The following RAD51B variants were observed in gnomAD, a reference collection of about 807,000 sequenced individuals.
RAD51B encodes DNA repair protein RAD51 homolog 2.
RAD51B carries 38 observed loss-of-function variants against 42.2 expected under a neutral mutation model. The ratio of observed to expected loss-of-function variants is 0.90; its 90% CI spans 0.70 to 1.18. RAD51B has a LOEUF of 1.18. RAD51B is among the 50% of genes most tolerant of loss of function. The probability of loss-of-function intolerance (pLI) is 0.00; values close to 1 mark genes in which losing one functional copy is unlikely to be tolerated. For synonymous variants in RAD51B, 154 were observed against 145.2 expected (o/e 1.06, Z -0.43); for missense variants, 373 against 400.7 (o/e 0.93, Z 0.59).
At chr14:67,822,748 TA>T (rs1234023447) in intron 1 of RAD51B, among the ~76,000 whole-genome samples, 1 of 151,906 alleles carries the variant, frequency 6.6e-6, no homozygotes, top group Admixed American at 6.6e-5. Context: ...TCTATATATA[TA>T]TTTAAAAAGA....
chr14:68,595,160 T>C, exon 11 of RAD51B: 1 of 1,066,296 alleles, frequency 9.4e-7, no homozygotes, highest in South Asian at 4.5e-5. Context: ...TTCTCTTCCC[T>C]CCCAATTATC....
intron 10 of RAD51B, among the ~76,000 whole-genome samples, chr14:68,550,151 T>C (rs1888460168): frequency 6.6e-6 from 1 of 152,254 alleles, no homozygotes; most frequent in African/African-American, 2.4e-5. Context: ...CCGTGCTCCC[T>C]CCTGGCCCAT....
At chr14:68,338,413 A>T (rs115109155) in intron 8 of RAD51B, among the ~76,000 whole-genome samples, 1 of 152,128 alleles carries the variant, frequency 6.6e-6, no homozygotes, top group East Asian at 1.9e-4. Context: ...ATGGCCAAAC[A>T]TGGTGCATCC....
chr14:68,263,410 G>T (rs535510283), intron 7 of RAD51B, among the ~76,000 whole-genome samples: 42 of 152,300 alleles, frequency 2.8e-4, no homozygotes, highest in African/African-American at 9.9e-4. Flanking sequence ...GATGAGGCAG[G>T]TGAGTGCTCC....
chr14:68,233,585 G>T (rs1021054792), intron 7 of RAD51B, among the ~76,000 whole-genome samples: 24 of 152,194 alleles, frequency 1.6e-4, no homozygotes, highest in African/African-American at 5.8e-4. Context: ...CATCACCCCA[G>T]ACCTGAAGTT....
chr14:67,904,947 T>TTC (rs200319189), intron 7 of RAD51B, among the ~76,000 whole-genome samples: 7 of 151,598 alleles, frequency 4.6e-5, no homozygotes, highest in African/African-American at 1.7e-4. Context: ...TTTTTTTTTT[T>TTC]CAATTGCTTT....
chr14:68,269,260 G>T (rs2081055599), intron 7 of RAD51B, among the ~76,000 whole-genome samples: 2 of 152,220 alleles, frequency 1.3e-5, no homozygotes, highest in South Asian at 2.1e-4. Context: ...GATCATGTCA[G>T]TCTCCTGCTT....
chr14:68,586,420 T>C (rs1449844778), intron 10 of RAD51B, among the ~76,000 whole-genome samples: 1 of 152,216 alleles, frequency 6.6e-6, no homozygotes, highest in East Asian at 1.9e-4. Context: ...TGCCGATCGG[T>C]TCCAGATGCC....
intron 5 of RAD51B, among the ~76,000 whole-genome samples, chr14:67,881,580 G>T (rs72725127): frequency 6.6e-6 from 1 of 151,894 alleles, no homozygotes; most frequent in Non-Finnish European, 1.5e-5. Flanking sequence ...CTCAACTCAG[G>T]TTGTCTACCA....
chr14:68,477,515 G>A (rs982883328), intron 10 of RAD51B, 133 bp from the exon 11 acceptor site: 2 of 1,097,922 alleles, frequency 1.8e-6, no homozygotes, highest in Non-Finnish European at 2.6e-6. Context: ...AAGGCCAGTG[G>A]CTCTGTGGGC....
chr14:68,125,746 T>G (rs2077743729), intron 7 of RAD51B, among the ~76,000 whole-genome samples: 1 of 145,106 alleles, frequency 6.9e-6, no homozygotes, highest in Non-Finnish European at 1.5e-5. Flanking sequence ...AGGTTTTTGT[T>G]TTGTTTTGTT....
chr14:68,343,428 T>C (rs1015377112), intron 8 of RAD51B, among the ~76,000 whole-genome samples: 3 of 152,214 alleles, frequency 2.0e-5, no homozygotes, highest in Admixed American at 6.5e-5. Flanking sequence ...CAGAATAATG[T>C]TGTGTAATTT....
intron 7 of RAD51B, among the ~76,000 whole-genome samples, chr14:67,926,099 C>T (rs1321516032): frequency 6.6e-6 from 1 of 152,226 alleles, no homozygotes; most frequent in Non-Finnish European, 1.5e-5. Flanking sequence ...TGGGGATTAA[C>T]ATTTGGCCCC....
intron 5 of RAD51B, among the ~76,000 whole-genome samples, chr14:67,876,333 T>C (rs2042726723): frequency 6.6e-6 from 1 of 152,214 alleles, no homozygotes; most frequent in African/African-American, 2.4e-5. Flanking sequence ...TTATTTCAAG[T>C]TGGCATGTGG....
chr14:68,497,594 T>C, intron 10 of RAD51B: 1 of 904,806 alleles, frequency 1.1e-6, no homozygotes. Context: ...GGCAACTAGA[T>C]ATCATGATGT....
chr14:68,316,099 A>T (rs1428222746), intron 8 of RAD51B, among the ~76,000 whole-genome samples: 1 of 152,218 alleles, frequency 6.6e-6, no homozygotes, highest in Non-Finnish European at 1.5e-5. Flanking sequence ...ACCATCTATA[A>T]AATGGGAAGA....
chr14:68,059,022 C>T (rs940978578), intron 7 of RAD51B, among the ~76,000 whole-genome samples: 4 of 152,136 alleles, frequency 2.6e-5, no homozygotes, highest in Non-Finnish European at 5.9e-5. Context: ...CTCTAAGCCT[C>T]CACCCTCCTA....
chr14:68,398,543 T>G (rs759018972), intron 8 of RAD51B, among the ~76,000 whole-genome samples: 13 of 152,246 alleles, frequency 8.5e-5, no homozygotes, highest in South Asian at 4.1e-4. Context: ...CTGGCCTGTT[T>G]CATGCCCAGG....
chr14:68,276,334 C>G (rs976724597), intron 7 of RAD51B, among the ~76,000 whole-genome samples: 3 of 152,198 alleles, frequency 2.0e-5, no homozygotes, highest in African/African-American at 7.2e-5. Flanking sequence ...CATACCTTCC[C>G]ATCTCCTAGC....
Sources: gnomAD v4.1 joint callset for allele counts (sites outside exome capture counted in the v4.1 genomes callset) on GRCh38, gnomAD v4.1.1 for gene constraint, MANE v1.5 for transcripts, NCBI Gene and HGNC (gene_info 2026-07-23, HGNC 2026-07-21) for gene names.